Variants in ATG7 observed in about 807,000 individuals in gnomAD.
ATG7 encodes the protein autophagy related 7, also known as ubiquitin-like modifier-activating enzyme ATG7.
Under a neutral mutation model 82.4 loss-of-function variants are expected in ATG7, and 70 were observed. The ratio of observed to expected loss-of-function variants is 0.85; its 90% CI spans 0.70 to 1.04. The LOEUF is 1.04. Ranked by LOEUF, ATG7 falls within the 50% of genes least tolerant of loss-of-function variation. ATG7 has a pLI of 0.00. For synonymous variants in ATG7, 287 were observed against 313.0 expected (o/e 0.92, Z 0.88); for missense variants, 792 against 864.3 (o/e 0.92, Z 1.05).
chr3:11,475,868 GACACACACACACACACACACAC>G (rs3219674), intron 20 of ATG7, among the ~76,000 whole-genome samples: 1 of 111,128 alleles, frequency 9.0e-6, no homozygotes, highest in Non-Finnish European at 1.8e-5. Flanking sequence ...CTGTCTCTGA[GACACACACACACACACACACAC>G]ACACACACAC....
At chr3:11,313,446 A>G in intron 8 of ATG7, 26 bp downstream of exon 8, 1 of 1,538,430 alleles carries the variant, frequency 6.5e-7, no homozygotes, top group South Asian at 1.2e-5. Flanking sequence ...CAAAATGCAC[A>G]TAAAATTGGG....
chr3:11,279,345 G>A (rs116528484), intron 1 of ATG7, among the ~76,000 whole-genome samples: 1,631 of 152,284 alleles, frequency 0.011, 36 homozygotes, highest in African/African-American at 0.037. Context: ...GAATCTACTT[G>A]GATGTTCTTA....
chr3:11,308,849 T>G, intron 6 of ATG7, 135 bp from the exon 7 acceptor site: 1 of 794,178 alleles, frequency 1.3e-6, no homozygotes. Flanking sequence ...AACAACCCAC[T>G]TCATTGTTTG....
At chr3:11,319,957 G>C (rs932014461) in intron 9 of ATG7, among the ~76,000 whole-genome samples, 1 of 152,106 alleles carries the variant, frequency 6.6e-6, no homozygotes, top group Non-Finnish European at 1.5e-5. Flanking sequence ...AGATCTGATC[G>C]TGTCCCTATC....
intron 20 of ATG7, among the ~76,000 whole-genome samples, chr3:11,540,930 T>C (rs1343343424): frequency 1.4e-4 from 21 of 145,336 alleles, no homozygotes; most frequent in Admixed American, 4.8e-4. Context: ...GGGGGAGTCT[T>C]GCTCTGTCGC....
intron 20 of ATG7, among the ~76,000 whole-genome samples, chr3:11,519,374 G>A (rs2092370485): frequency 6.6e-6 from 1 of 151,862 alleles, no homozygotes; most frequent in Admixed American, 6.6e-5. Flanking sequence ...ATTTCTGGAT[G>A]GTGAATCTTA....
chr3:11,554,416 C>T (rs555892193), intron 20 of ATG7, among the ~76,000 whole-genome samples: 2 of 152,304 alleles, frequency 1.3e-5, no homozygotes, highest in South Asian at 2.1e-4. Context: ...AATTCCTGCC[C>T]TCAGGGAGCT....
chr3:11,324,323 A>G (rs1455024319), intron 9 of ATG7, among the ~76,000 whole-genome samples: 2 of 152,220 alleles, frequency 1.3e-5, no homozygotes, highest in Non-Finnish European at 2.9e-5. Flanking sequence ...CCAACTAATC[A>G]TTCCTCCAAT....
intron 9 of ATG7, among the ~76,000 whole-genome samples, chr3:11,323,779 G>A (rs1204574011): frequency 6.6e-6 from 1 of 152,152 alleles, no homozygotes; most frequent in Non-Finnish European, 1.5e-5. Context: ...TGATCTCTCC[G>A]CATCTTGGCA....
At chr3:11,331,022 C>A (rs1169864205) in intron 9 of ATG7, among the ~76,000 whole-genome samples, 2 of 152,186 alleles carry the variant, frequency 1.3e-5, no homozygotes, top group African/African-American at 4.8e-5. Flanking sequence ...TACAAACTCT[C>A]TTGACTGTCC....
intron 9 of ATG7, among the ~76,000 whole-genome samples, chr3:11,331,106 A>C (rs912570858): frequency 3.9e-5 from 6 of 152,134 alleles, no homozygotes; most frequent in African/African-American, 1.4e-4. Flanking sequence ...TGCCAGGCAC[A>C]ATGCAAGGCA....
At chr3:11,478,988 CAA>C (rs1491480654) in intron 20 of ATG7, among the ~76,000 whole-genome samples, 1 of 46,018 alleles carries the variant, frequency 2.2e-5, no homozygotes, top group East Asian at 7.2e-4. Context: ...TGTATATTTA[CAA>C]CACACACACA....
chr3:11,293,708 A>G (rs1479634801), intron 3 of ATG7, among the ~76,000 whole-genome samples: 6 of 142,174 alleles, frequency 4.2e-5, no homozygotes, highest in Non-Finnish European at 9.3e-5. Flanking sequence ...CATTAGGGCC[A>G]GGCATGGTGG....
chr3:11,448,287 C>T (rs2084770849), intron 20 of ATG7, among the ~76,000 whole-genome samples: 1 of 152,202 alleles, frequency 6.6e-6, no homozygotes, highest in African/African-American at 2.4e-5. Flanking sequence ...TCATTCTAGG[C>T]TTTTCCTCCT....
chr3:11,559,320 C>G, downstream of ATG7: 1 of 1,528,856 alleles, frequency 6.5e-7, no homozygotes, highest in South Asian at 1.2e-5. Context: ...TGAGGAGGCC[C>G]GGGACACTCA....
At chr3:11,299,259 G>A (rs891097764) in intron 4 of ATG7, 103 bp from the exon 5 acceptor site, 17 of 1,124,960 alleles carry the variant, frequency 1.5e-5, no homozygotes, top group East Asian at 1.2e-4. Flanking sequence ...TGGATGGGGC[G>A]CCTTGGGCTC....
At position 11,362,818 on chromosome 3, in the gene ATG7, C is replaced by A. The variant is rs1308791057; in HGVS notation, c.1689C>A (p.Thr563=). Residue 563 remains threonine (T), a synonymous_variant, in exon 17 of 21, where the codon ACC becomes ACA. Coordinates refer to ENST00000693202, the MANE Select transcript of ATG7 (RefSeq NM_001349232.2). ...CNDVVAPGDS[T]RDRTLDQQCT... Reference sequence around the variant, plus strand: ...CAATGATTGTTTCTTTGCAGTCAACCAGAGACCGGACCTTGGACCAGCAGT... The same window carrying A: ...CAATGATTGTTTCTTTGCAGTCAACAAGAGACCGGACCTTGGACCAGCAGT... 5 of 1,613,882 alleles carry A rather than the reference C, an allele frequency of 3.1e-6. No homozygotes were observed. In the South Asian group the frequency reaches 5.5e-5, roughly 18 times the overall value.
At chr3:11,554,012 C>G (rs2125071909) in intron 20 of ATG7, among the ~76,000 whole-genome samples, 1 of 152,268 alleles carries the variant, frequency 6.6e-6, no homozygotes, top group South Asian at 2.1e-4. Flanking sequence ...GTGCCAGGGG[C>G]CCTGGGACCT....
intron 11 of ATG7, among the ~76,000 whole-genome samples, chr3:11,334,771 G>A (rs1952154351): frequency 6.6e-6 from 1 of 150,944 alleles, no homozygotes; most frequent in African/African-American, 2.4e-5. Flanking sequence ...TGGCCTGGCC[G>A]ATATGGCGAA....
Sources: allele counts gnomAD v4.1 joint callset (sites outside exome capture counted in the v4.1 genomes callset), GRCh38; gene constraint gnomAD v4.1.1; transcripts MANE v1.5; gene names NCBI Gene and HGNC (gene_info 2026-07-23, HGNC 2026-07-21).